KRT72: variants seen among roughly 807,000 people sequenced by gnomAD.
The protein encoded by KRT72 is keratin 72.
A neutral mutation model predicts 44.7 loss-of-function variants in KRT72; 44 were observed. That is an observed-to-expected ratio of 0.98 (90% CI 0.77 to 1.27). The LOEUF is 1.27. Among genes scored for constraint, KRT72 ranks in the 50% most tolerant of loss-of-function variants. The probability of loss-of-function intolerance (pLI) is 0.00; values close to 1 mark genes in which losing one functional copy is unlikely to be tolerated. For synonymous variants in KRT72, 302 were observed against 280.4 expected (o/e 1.08, Z -0.77); for missense variants, 736 against 667.1 (o/e 1.10, Z -1.14).
chr12:52,589,235 G>A (rs912373498), intron 6 of KRT72, among the ~76,000 whole-genome samples: 1 of 152,092 alleles, frequency 6.6e-6, no homozygotes, highest in Non-Finnish European at 1.5e-5. Flanking sequence ...CTGATCCAAG[G>A]CCAAATGGGC....
rs745766281 is a variant in KRT72, at chr12:52,591,573, T to C, written c.854A>G (p.Asp285Gly). 1 of 1,613,934 alleles carries C rather than the reference T, an allele frequency of 6.2e-7. No individual in the cohort carries two copies. Among genetic ancestry groups the C allele is most frequent in the Non-Finnish European group, 8.5e-7 (1 of 1,179,876 alleles). The stretch of plus-strand genomic sequence containing the variant: ...GTCCAGGTCCAGATCCCGGTTGTTG[T>C]CCATTGACAGGACGATGGACGTGTC... ...ISDTSIVLSM[D>G]NNRDLDLDSI... is the part of the protein sequence containing the mutation. The change falls in exon 5 of 9, where the codon GAC becomes GGC. Residue 285 changes from aspartate (D) to glycine (G), a missense_variant. Coordinates refer to ENST00000293745, the MANE Select transcript of KRT72 (RefSeq NM_080747.3).
At chr12:52,596,695 C>T (rs1026777162) in intron 2 of KRT72, among the ~76,000 whole-genome samples, 6 of 151,832 alleles carry the variant, frequency 4.0e-5, no homozygotes, top group South Asian at 4.1e-4. Context: ...GGAACACAGA[C>T]GCACGCCACC....
chr12:52,602,234 G>GT (rs997834685), upstream of KRT72, among the ~76,000 whole-genome samples: 3 of 152,216 alleles, frequency 2.0e-5, no homozygotes, highest in African/African-American at 7.2e-5. Flanking sequence ...AGCAGATGGT[G>GT]TTTCCTAAGG....
Position 52,592,439 on chromosome 12 carries a change from G to T in KRT72, c.755C>A (p.Ser252Tyr), listed in dbSNP as rs745964525. 6.2e-6 allele frequency: 10 copies of T among 1,614,084 alleles called. No homozygotes were observed. In the South Asian group the frequency reaches 1.1e-4, roughly 18 times the overall value. The change falls in exon 4 of 9, where the codon TCC becomes TAC. Residue 252 changes from serine (S) to tyrosine (Y), a missense_variant. By Grantham distance (144) the Ser-to-Tyr change is moderately radical. Coordinates refer to ENST00000293745, the MANE Select transcript of KRT72 (RefSeq NM_080747.3). ...GAAGAATTTAATCTCATCTGTCAAGGAGTCCACCTTGGCCTGGAGCTCAAC... is the reference window on the plus strand; with the variant it reads ...GAAGAATTTAATCTCATCTGTCAAGTAGTCCACCTTGGCCTGGAGCTCAAC... The part of the protein sequence containing the change: ...NKVELQAKVD[S>Y]LTDEIKFFKC...
chr12:52,592,485 C>T lies in KRT72; in HGVS notation c.709G>A (p.Asp237Asn). The stretch of plus-strand genomic sequence containing the variant: ...TCAACCTTATTCATGTAAGCAGCAT[C>T]CACGTCCTGGGAGCACATGATAGTC... ...NEFVVLKKDV[D>N]AAYMNKVELQ... The change falls in exon 4 of 9, where the codon GAT (aspartate) becomes AAT (asparagine). Residue 237 changes from aspartate to asparagine, a missense_variant. By Grantham distance (23) the Asp-to-Asn change is conservative. Coordinates refer to ENST00000293745, the MANE Select transcript of KRT72 (RefSeq NM_080747.3). The T allele has an allele frequency of 6.2e-7, 1 of 1,613,878 alleles. No individual in the cohort carries two copies.
Position 52,592,893 on chromosome 12 carries a change from T to C in KRT72, c.701A>G (p.Lys234Arg). Residue 234 changes from lysine to arginine, a missense_variant and splice_region_variant, in exon 3 of 9, where the codon AAG (lysine) becomes AGG (arginine). Transcript: ENST00000293745. ...AAENEFVVLK[K>R]DVDAAYMNKV... The stretch of plus-strand genomic sequence containing the variant: ...CAGCCCACCTGGCACCCCTCTTACC[T>C]TCTTGAGCACCACAAACTCATTCTC... The C allele has an allele frequency of 6.2e-7, 1 of 1,613,838 alleles. No homozygotes were observed. Among genetic ancestry groups the C allele is most frequent in the South Asian group, 1.1e-5 (1 of 91,040 alleles).
rs774770393 is a variant in KRT72 at position 52,592,471 on chromosome 12, C to T, written c.723G>A (p.Met241Ile). Reference protein sequence around the residue: ...VLKKDVDAAYMNKVELQAKVD... With the variant: ...VLKKDVDAAYINKVELQAKVD... ...CCTTGGCCTGGAGCTCAACCTTATT[C>T]ATGTAAGCAGCATCCACGTCCTGGG... The change falls in exon 4 of 9, where the codon ATG becomes ATA. Residue 241 changes from methionine to isoleucine, a missense_variant. Physicochemically the swap from Met to Ile is conservative, Grantham distance 10. Coordinates refer to ENST00000293745, the MANE Select transcript of KRT72 (RefSeq NM_080747.3). The T allele has an allele frequency of 2.5e-6, 4 of 1,614,090 alleles. No homozygotes were observed. The highest frequency in any genetic ancestry group is 3.4e-6 in the Non-Finnish European group (4 of 1,179,974).
chr12:52,589,094 C>T (rs1939896179), intron 6 of KRT72, among the ~76,000 whole-genome samples: 1 of 151,974 alleles, frequency 6.6e-6, no homozygotes, highest in Non-Finnish European at 1.5e-5. Context: ...ATGTGAAAGC[C>T]CCCAGGGGGC....
intron 2 of KRT72, among the ~76,000 whole-genome samples, chr12:52,598,525 T>C (rs1362336292): frequency 6.6e-6 from 1 of 152,248 alleles, no homozygotes; most frequent in Non-Finnish European, 1.5e-5. Context: ...CAACATGGAA[T>C]AAGTTTTTTA....
At chr12:52,589,051 C>T (rs931289611) in intron 6 of KRT72, among the ~76,000 whole-genome samples, 9 of 152,014 alleles carry the variant, frequency 5.9e-5, no homozygotes, top group Admixed American at 5.9e-4. Context: ...GATAGCTTTG[C>T]ATAACTGCAG....
intron 2 of KRT72, 143 bp downstream of exon 2, chr12:52,598,755 T>C (rs755895026): frequency 4.4e-6 from 3 of 688,846 alleles, no homozygotes; most frequent in Non-Finnish European, 7.7e-6. Flanking sequence ...GGTAGATCTA[T>C]TCTTTTCCTA....
At chr12:52,589,243 G>A (rs575900519) in intron 6 of KRT72, among the ~76,000 whole-genome samples, 4 of 152,120 alleles carry the variant, frequency 2.6e-5, no homozygotes, top group Admixed American at 6.5e-5. Context: ...AGGCCAAATG[G>A]GCTCTAGAAT....
chr12:52,587,610 C>G (rs1457829423), intron 7 of KRT72, 21 bp downstream of exon 7: 1 of 1,613,382 alleles, frequency 6.2e-7, no homozygotes, highest in African/African-American at 1.3e-5. Flanking sequence ...GGTCCCGACA[C>G]AAGGGTATCC....
chr12:52,601,336 C>A lies in KRT72; in HGVS notation c.117G>T (p.Lys39Asn). 1 of 1,545,600 alleles carries A rather than the reference C, an allele frequency of 6.5e-7. No homozygotes were observed. The change falls in exon 1 of 9, where the codon AAG becomes AAT. Residue 39 changes from lysine (K) to asparagine (N), a missense_variant. Lys to Asn is a moderately conservative substitution (Grantham distance 94). Coordinates refer to ENST00000293745, the MANE Select transcript of KRT72 (RefSeq NM_080747.3). ...SSSASFRARV[K>N]GSASFGSKSL... The stretch of plus-strand genomic sequence containing the variant: ...TCTTGCTGCCAAAGGAGGCCGAGCC[C>A]TTGACCCGGGCCCGGAATGAGGCGG...
At position 52,585,678 on chromosome 12, in the gene KRT72, A is replaced by G; in HGVS notation, c.*304T>C. The G allele has an allele frequency of 3.3e-6, 1 of 301,842 alleles. No individual in the cohort carries two copies. The highest frequency in any genetic ancestry group is 6.2e-6 in the Non-Finnish European group (1 of 162,196). The allele number at this position is 301,842 out of a possible 1,614,324, so 18.7% of individuals were successfully genotyped here. A position where few individuals can be genotyped will look rare whatever the true frequency, so the allele number is the denominator to read the frequency against. On this transcript the variant is annotated 3_prime_UTR_variant, in exon 9 of 9. Coordinates refer to ENST00000293745, the MANE Select transcript of KRT72 (RefSeq NM_080747.3). ...AGAGTCCCTTGGTAGTGAAGGCCCA[A>G]GAAAGGCATGGGGGCAGAGGGGCTT...
At chr12:52,600,315 T>C (rs1940378574) in intron 1 of KRT72, among the ~76,000 whole-genome samples, 1 of 152,178 alleles carries the variant, frequency 6.6e-6, no homozygotes, top group African/African-American at 2.4e-5. Context: ...CTGCCCTGAA[T>C]GTGGGTCCCA....
chr12:52,586,209 C>T (rs760838884), intron 8 of KRT72, 37 bp from the exon 9 acceptor site: 2 of 1,580,502 alleles, frequency 1.3e-6, no homozygotes, highest in Non-Finnish European at 1.7e-6. Flanking sequence ...CCCCCGTCAG[C>T]TCTAGCCCCA....
intron 2 of KRT72, among the ~76,000 whole-genome samples, chr12:52,596,524 T>C (rs2120792839): frequency 6.6e-6 from 1 of 152,210 alleles, no homozygotes; most frequent in East Asian, 1.9e-4. Flanking sequence ...TAAAAACTTA[T>C]GATCACAAAA....
chr12:52,602,278 T>C (rs1940502046), upstream of KRT72, among the ~76,000 whole-genome samples: 1 of 152,214 alleles, frequency 6.6e-6, no homozygotes, highest in African/African-American at 2.4e-5. Context: ...TTTCTTTTAA[T>C]AGCAGAAGAG....
Sources: gnomAD v4.1 joint callset for allele counts (sites outside exome capture counted in the v4.1 genomes callset) on GRCh38, gnomAD v4.1.1 for gene constraint, MANE v1.5 for transcripts, NCBI Gene and HGNC (gene_info 2026-07-23, HGNC 2026-07-21) for gene names.